Variants in ANKH observed in about 807,000 individuals in gnomAD.
ANKH encodes the protein ANKH inorganic pyrophosphate transport regulator.
ANKH carries 15 observed loss-of-function variants against 49.0 expected under a neutral mutation model. That is an observed-to-expected ratio of 0.31 (90% CI 0.20 to 0.47). The LOEUF (loss-of-function observed/expected upper bound fraction) is 0.47. Ranked by LOEUF, ANKH falls within the 20% of genes least tolerant of loss-of-function variation. The pLI, the probability that ANKH is intolerant of heterozygous loss-of-function variation, is 1.00. For synonymous variants in ANKH, 273 were observed against 260.0 expected, an observed-to-expected ratio of 1.05 and a Z score of -0.48; for missense variants, 429 against 652.0, an observed-to-expected ratio of 0.66 and a Z score of 3.72.
At chr5:14,716,583 C>T in intron 9 of ANKH, 123 bp downstream of exon 9, 1 of 1,357,482 alleles carries the variant, frequency 7.4e-7, no homozygotes. Context: ...GTTTTTGCAT[C>T]TTTCTAAGCC....
intron 1 of ANKH, among the ~76,000 whole-genome samples, chr5:14,820,919 A>G (rs551761742): frequency 6.6e-6 from 1 of 152,252 alleles, no homozygotes; most frequent in East Asian, 1.9e-4. Context: ...GCGACATGAT[A>G]AAACCTGTCT....
chr5:14,784,882 C>T (rs1739923319), intron 1 of ANKH, among the ~76,000 whole-genome samples: 1 of 149,334 alleles, frequency 6.7e-6, no homozygotes, highest in Admixed American at 6.8e-5. Flanking sequence ...GTTAGTACAA[C>T]CCCCAATCAA....
intron 1 of ANKH, among the ~76,000 whole-genome samples, chr5:14,771,844 G>A (rs1006073838): frequency 6.6e-6 from 1 of 150,548 alleles, no homozygotes; most frequent in African/African-American, 2.5e-5. Context: ...AACCCGGGAG[G>A]TGGAGGTTGC....
Position 14,756,018 on chromosome 5 carries a change from G to A in ANKH, c.433-74C>T, listed in dbSNP as rs542289411. 9.7e-5 allele frequency: 125 copies of A among 1,294,006 alleles called. 1 individual carries two copies. In the South Asian group the frequency reaches 1.5e-3, roughly 15 times the overall value. The allele number at this position is 1,294,006 out of a possible 1,614,324, so 80.2% of individuals were successfully genotyped here. A position where few individuals can be genotyped will look rare whatever the true frequency, so the allele number is the denominator to read the frequency against. On this transcript the variant is annotated intron_variant, in intron 3 of 11. Transcript: ENST00000284268. ...CTGTTTCTGGTTGTTGAGATTTACTGGGCATTCCTGAAATACACTTTATAC... is the reference window on the plus strand; with the variant it reads ...CTGTTTCTGGTTGTTGAGATTTACTAGGCATTCCTGAAATACACTTTATAC...
intron 1 of ANKH, among the ~76,000 whole-genome samples, chr5:14,775,775 A>T (rs1156319891): frequency 6.6e-6 from 1 of 152,168 alleles, no homozygotes; most frequent in Non-Finnish European, 1.5e-5. Context: ...TGCTGAGATG[A>T]TTCTAGGTGG....
chr5:14,734,416 G>A (rs1345974914), intron 8 of ANKH, among the ~76,000 whole-genome samples: 1 of 152,196 alleles, frequency 6.6e-6, no homozygotes, highest in African/African-American at 2.4e-5. Flanking sequence ...TGCTCCATCT[G>A]TAAGGGCGCA....
intron 1 of ANKH, among the ~76,000 whole-genome samples, chr5:14,860,960 T>G (rs2250590): frequency 0.044 from 6,715 of 152,066 alleles, 172 homozygotes; most frequent in African/African-American, 0.08. Flanking sequence ...TTTTTGTATT[T>G]TTAGTGGAGA....
chr5:14,812,169 A>C (rs1740904508), intron 1 of ANKH, among the ~76,000 whole-genome samples: 1 of 151,650 alleles, frequency 6.6e-6, no homozygotes, highest in Admixed American at 6.6e-5. Context: ...AGTTTGAAAA[A>C]CTACCAAGGG....
At chr5:14,747,961 AG>A (rs35083342) in intron 6 of ANKH, among the ~76,000 whole-genome samples, 1 of 152,244 alleles carries the variant, frequency 6.6e-6, no homozygotes, top group Non-Finnish European at 1.5e-5. Flanking sequence ...TGGGGAGTCA[AG>A]GAAATGTACA....
At chr5:14,773,292 C>T (rs964976742) in intron 1 of ANKH, among the ~76,000 whole-genome samples, 3 of 149,232 alleles carry the variant, frequency 2.0e-5, no homozygotes, top group Non-Finnish European at 4.4e-5. Flanking sequence ...TTAAAAGCAT[C>T]TCATAGGGCA....
chr5:14,787,999 TAAA>T (rs1281209436), intron 1 of ANKH: 1 of 152,244 alleles, frequency 6.6e-6, no homozygotes, highest in Non-Finnish European at 1.5e-5. Flanking sequence ...CTTCAGCACC[TAAA>T]TCATGATTGG....
intron 1 of ANKH, among the ~76,000 whole-genome samples, chr5:14,845,258 G>A (rs183843499): frequency 2.6e-5 from 4 of 151,998 alleles, no homozygotes; most frequent in East Asian, 1.9e-4. Context: ...GTCCAGAACC[G>A]TCTTTCTTCC....
intron 5 of ANKH, 121 bp downstream of exon 5, chr5:14,750,948 T>G: frequency 8.0e-7 from 1 of 1,251,258 alleles, no homozygotes; most frequent in East Asian, 2.5e-5. Flanking sequence ...GGCCTCTGGG[T>G]ATGACATCCT....
Position 14,711,260 on chromosome 5 carries a change from C to G in ANKH, c.1416G>C (p.Met472Ile). Residue 472 changes from methionine to isoleucine, a missense_variant, in exon 12 of 12, where the codon ATG becomes ATC. By Grantham distance (10) the Met-to-Ile change is conservative. This residue lies in a region of ANKH where 51 missense variants were observed against 36.7 expected (regional missense o/e 1.39). Coordinates refer to ENST00000284268, the MANE Select transcript of ANKH (RefSeq NM_054027.6). ...CCTCCTCTGTCGGAGGCATGTCTGTCATGGCAGAGTCTTCCCCCTCCGTGG... is the reference window on the plus strand; with the variant it reads ...CCTCCTCTGTCGGAGGCATGTCTGTGATGGCAGAGTCTTCCCCCTCCGTGG... ...ESATEGEDSA[M>I]TDMPPTEEVT... 6.2e-7 allele frequency: 1 copy of G among 1,614,184 alleles called. No individual in the cohort carries two copies. Among genetic ancestry groups the G allele is most frequent in the South Asian group, 1.1e-5 (1 of 91,080 alleles).
chr5:14,765,340 C>T (rs552258622), intron 2 of ANKH, among the ~76,000 whole-genome samples: 5 of 152,276 alleles, frequency 3.3e-5, no homozygotes, highest in Admixed American at 2.0e-4. Context: ...TAACTCTTGT[C>T]CAGTGGATCT....
intron 4 of ANKH, among the ~76,000 whole-genome samples, chr5:14,751,803 T>C (rs1465132320): frequency 1.3e-5 from 2 of 152,222 alleles, no homozygotes; most frequent in Non-Finnish European, 2.9e-5. Context: ...GGTGATTACT[T>C]GCTATTTATG....
chr5:14,787,041 C>G (rs1304225280), intron 1 of ANKH, among the ~76,000 whole-genome samples: 1 of 150,556 alleles, frequency 6.6e-6, no homozygotes, highest in African/African-American at 2.5e-5. Flanking sequence ...AGGCCGGGTG[C>G]GGTGGCTCAC....
rs2126401188 is a variant in ANKH, at chr5:14,712,810, G to A, written c.1365+64C>T. 3.4e-6 allele frequency: 5 copies of A among 1,484,876 alleles called. No homozygotes were observed. The Middle Eastern group carries it at 8.0e-4, about 238-fold the overall frequency. The allele number at this position is 1,484,876 out of a possible 1,614,324, so 92.0% of individuals were successfully genotyped here. Reference sequence around the variant, plus strand: ...CCACCATCCAACCTGGTCAGTGGCTGCTCAGGTTCTCCTGCACCCAGGAGG... The same window carrying A: ...CCACCATCCAACCTGGTCAGTGGCTACTCAGGTTCTCCTGCACCCAGGAGG... On this transcript the variant is annotated intron_variant, in intron 11 of 11. Coordinates refer to ENST00000284268, the MANE Select transcript of ANKH (RefSeq NM_054027.6).
At chr5:14,792,991 A>AATATATATATATAT (rs1258411807) in intron 1 of ANKH, among the ~76,000 whole-genome samples, 1 of 85,478 alleles carries the variant, frequency 1.2e-5, no homozygotes. Flanking sequence ...TATATATAAA[A>AATATATATATATAT]ATATATATAT....
Sources: gnomAD v4.1 joint callset for allele counts (sites outside exome capture counted in the v4.1 genomes callset) on GRCh38, gnomAD v4.1.1 for gene constraint, gnomAD v4.1.1 regional missense constraint, MANE v1.5 for transcripts, NCBI Gene and HGNC (gene_info 2026-07-23, HGNC 2026-07-21) for gene names.